The following NBL1 variants were observed in gnomAD, a reference collection of about 807,000 sequenced individuals.
NBL1 encodes the protein NBL1, DAN family BMP antagonist, also known as neuroblastoma suppressor of tumorigenicity 1.
A neutral mutation model predicts 16.0 loss-of-function variants in NBL1; 9 were observed. That is an observed-to-expected ratio of 0.56 (90% CI 0.34 to 0.98). The LOEUF (loss-of-function observed/expected upper bound fraction) is 0.98. Ranked by LOEUF, NBL1 falls within the 50% of genes least tolerant of loss-of-function variation. NBL1 has a pLI of 0.02. For missense variants in NBL1, 196 were observed against 243.1 expected (o/e 0.81, Z 1.29); for synonymous variants, 86 against 100.7 (o/e 0.85, Z 0.87).
At position 19,657,296 on chromosome 1, in the gene NBL1, G is replaced by T; in HGVS notation, c.*167G>T. On this transcript the variant is annotated 3_prime_UTR_variant, in exon 4 of 4. Transcript: ENST00000375136. ...TGCCATGGAGATCTGAAGGGGCGGG[G>T]TTAGAGCCAAGCTGCACAATTTAAT... The T allele has an allele frequency of 5.8e-6, 3 of 517,692 alleles. No homozygotes were observed. Among genetic ancestry groups the T allele is most frequent in the Non-Finnish European group, 1.0e-5 (3 of 288,974 alleles). The allele number at this position is 517,692 out of a possible 1,614,324, so 32.1% of individuals were successfully genotyped here. A position where few individuals can be genotyped will look rare whatever the true frequency, so the allele number is the denominator to read the frequency against.
chr1:19,655,289 C>T, intron 2 of NBL1, 35 bp from the exon 3 acceptor site: 1 of 1,613,220 alleles, frequency 6.2e-7, no homozygotes, highest in Non-Finnish European at 8.5e-7. Flanking sequence ...GCCTCCCCAA[C>T]AGTGACACAG....
intron 1 of NBL1, chr1:19,647,710 G>A: frequency 4.1e-6 from 4 of 979,812 alleles, no homozygotes; most frequent in Non-Finnish European, 4.9e-6. Flanking sequence ...CCAAGTGTGG[G>A]GAGGTTCCCC....
intron 1 of NBL1, among the ~76,000 whole-genome samples, chr1:19,647,421 G>C (rs886512630): frequency 6.6e-6 from 1 of 152,082 alleles, no homozygotes; most frequent in Non-Finnish European, 1.5e-5. Context: ...GTGAGATCCT[G>C]TTACAAATAA....
intron 1 of NBL1, among the ~76,000 whole-genome samples, chr1:19,650,959 C>T (rs190735476): frequency 8.7e-4 from 132 of 152,276 alleles, no homozygotes; most frequent in Non-Finnish European, 1.6e-3. Flanking sequence ...CTCGCTGCCT[C>T]CTGTTCCAGC....
intron 1 of NBL1, chr1:19,645,522 A>G (rs2094973589): frequency 1.0e-6 from 1 of 1,003,336 alleles, no homozygotes; most frequent in Non-Finnish European, 1.2e-6. Context: ...GCACCCCAGG[A>G]AAACAGAGGT....
chr1:19,644,651 G>A lies in NBL1; in HGVS notation c.-20+205G>A, dbSNP rs1050930390. 6.6e-6 allele frequency among the ~76,000 whole-genome samples: 1 copy of A among 151,530 alleles called. No individual in the cohort carries two copies. The highest frequency in any genetic ancestry group is 1.5e-5 in the Non-Finnish European group (1 of 67,760). On this transcript the variant is annotated intron_variant, in intron 1 of 3. Coordinates refer to ENST00000375136, the MANE Select transcript of NBL1 (RefSeq NM_005380.8). The surrounding 1 kb of genome is among the most constrained non-coding windows in gnomAD (Gnocchi z 4.6). ...CGCCGGCGCTGGGGACGTGGGCGCG[G>A]CACGGGGTGGCCGGGGGGCACCGCC...
At chr1:19,648,779 TGGGTG>T (rs1558361770) in intron 1 of NBL1, among the ~76,000 whole-genome samples, 2 of 34,242 alleles carry the variant, frequency 5.8e-5, no homozygotes, top group Admixed American at 8.6e-4. Flanking sequence ...GAGTGGCGGG[TGGGTG>T]GGGTTGGGAA....
chr1:19,644,710 G>A lies in NBL1; in HGVS notation c.-20+264G>A, dbSNP rs903584347. ...AGCCCGTCCCCAGACTCGCCCCAGGGTTCCGTTTCTGGATCGGAGTTTCCG... is the reference window on the plus strand; with the variant it reads ...AGCCCGTCCCCAGACTCGCCCCAGGATTCCGTTTCTGGATCGGAGTTTCCG... On this transcript the variant is annotated intron_variant, in intron 1 of 3. Transcript: ENST00000375136. This position sits in a 1 kb window ranked among gnomAD's most constrained non-coding sequence, Gnocchi z 4.6. Among the ~76,000 whole-genome samples, 46 of 152,020 alleles carry A rather than the reference G, an allele frequency of 3.0e-4. No homozygotes were observed. The highest frequency in any genetic ancestry group is 1.5e-3 in the South Asian group (7 of 4,824).
chr1:19,656,440 A>G (rs2095056784), intron 3 of NBL1, among the ~76,000 whole-genome samples: 1 of 150,976 alleles, frequency 6.6e-6, no homozygotes, highest in Admixed American at 6.6e-5. Flanking sequence ...CAAAGGGAAC[A>G]GCATGTGCGG....
intron 1 of NBL1, among the ~76,000 whole-genome samples, chr1:19,648,951 T>C (rs71645456): frequency 1.3e-5 from 2 of 152,064 alleles, no homozygotes; most frequent in African/African-American, 2.4e-5. Flanking sequence ...ATTTGAACTC[T>C]GGTCTGTGGA....
intron 1 of NBL1, among the ~76,000 whole-genome samples, chr1:19,652,357 A>G (rs991485947): frequency 2.6e-5 from 4 of 152,082 alleles, no homozygotes; most frequent in African/African-American, 9.7e-5. Flanking sequence ...AATCCATTCT[A>G]TTTTGTTAGG....
Position 19,644,656 on chromosome 1 carries a change from G to C in NBL1, c.-20+210G>C, listed in dbSNP as rs2094966896. On this transcript the variant is annotated intron_variant, in intron 1 of 3. Coordinates refer to ENST00000375136, the MANE Select transcript of NBL1 (RefSeq NM_005380.8). The surrounding 1 kb of genome is among the most constrained non-coding windows in gnomAD (Gnocchi z 4.6). The stretch of plus-strand genomic sequence containing the variant: ...GCGCTGGGGACGTGGGCGCGGCACG[G>C]GGTGGCCGGGGGGCACCGCCGCGTC... Among the ~76,000 whole-genome samples, 1 of 151,536 alleles carries C rather than the reference G, an allele frequency of 6.6e-6. No homozygotes were observed. The highest frequency in any genetic ancestry group is 1.5e-5 in the Non-Finnish European group (1 of 67,750).
chr1:19,648,630 C>T (rs1263658952), intron 1 of NBL1, among the ~76,000 whole-genome samples: 1 of 152,220 alleles, frequency 6.6e-6, no homozygotes, highest in Non-Finnish European at 1.5e-5. Context: ...CTTCCTTGAC[C>T]TGTGCCTCAG....
chr1:19,654,366 G>A (rs2095044335), intron 1 of NBL1, among the ~76,000 whole-genome samples: 1 of 152,200 alleles, frequency 6.6e-6, no homozygotes, highest in African/African-American at 2.4e-5. Flanking sequence ...TCATGCCACT[G>A]CACTCCAGCG....
At chr1:19,652,043 C>G (rs1290287254) in intron 1 of NBL1, among the ~76,000 whole-genome samples, 1 of 152,224 alleles carries the variant, frequency 6.6e-6, no homozygotes, top group East Asian at 1.9e-4. Context: ...ATGCCTGGCC[C>G]AGGCTACTTG....
In NBL1 at chr1:19,655,116, C is replaced by A; in HGVS notation, c.86C>A (p.Pro29Gln). The change falls in exon 2 of 4, where the codon CCA (proline) becomes CAA (glutamine). Residue 29 changes from proline to glutamine, a missense_variant. Pro to Gln is a moderately conservative substitution (Grantham distance 76, BLOSUM62 -1). Coordinates refer to ENST00000375136, the MANE Select transcript of NBL1 (RefSeq NM_005380.8). ...PPPINKLALF[P>Q]DKSAWCEAKN... ...CCCATCAACAAGCTGGCACTGTTCCCAGATAAGAGTGCCTGGTGCGAAGCC... is the reference window on the plus strand; with the variant it reads ...CCCATCAACAAGCTGGCACTGTTCCAAGATAAGAGTGCCTGGTGCGAAGCC... 6.2e-7 allele frequency: 1 copy of A among 1,612,802 alleles called. No homozygotes were observed. The highest frequency in any genetic ancestry group is 8.5e-7 in the Non-Finnish European group (1 of 1,179,684).
At position 19,657,902 on chromosome 1, in the gene NBL1, C is replaced by T. The variant is rs1264587701; in HGVS notation, c.*773C>T. ...CATCCCTGAAGACGAGCATCCCCCT[C>T]CTCTCCCTGTTAGAAATGTTAGTGC... On this transcript the variant is annotated 3_prime_UTR_variant, in exon 4 of 4. Coordinates refer to ENST00000375136, the MANE Select transcript of NBL1 (RefSeq NM_005380.8). 2.0e-5 allele frequency: 3 copies of T among 152,740 alleles called. No individual in the cohort carries two copies. Among genetic ancestry groups the T allele is most frequent in the African/African-American group, 4.8e-5 (2 of 41,454 alleles). 9.5% of individuals were successfully genotyped at this position (152,740 alleles called of 1,614,324 possible).
rs1570575289 is a variant in NBL1 at position 19,658,041 on chromosome 1, T to A, written c.*912T>A. 6.6e-6 allele frequency: 1 copy of A among 152,378 alleles called. No homozygotes were observed. The highest frequency in any genetic ancestry group is 2.1e-4 in the South Asian group (1 of 4,802). The allele number at this position is 152,378 out of a possible 1,614,324, so 9.4% of individuals were successfully genotyped here. A position where few individuals can be genotyped will look rare whatever the true frequency, so the allele number is the denominator to read the frequency against. ...ATCGGATGGGTGTGGGAGTGAGGGG[T>A]TACCTCCCTCGCCCCAAGGTTCCAG... On this transcript the variant is annotated 3_prime_UTR_variant, in exon 4 of 4. Coordinates refer to ENST00000375136, the MANE Select transcript of NBL1 (RefSeq NM_005380.8).
rs752802378 is a variant in NBL1 at position 19,655,309 on chromosome 1, C to A, written c.171-15C>A. ...CCCAACAGTGACACAGGCATGGTGA[C>A]CTCTCCTCCCACAGGGCGTGCCTAG... On this transcript the variant is annotated splice_polypyrimidine_tract_variant and intron_variant, in intron 2 of 3. Transcript: ENST00000375136. 2 of 1,613,772 alleles carry A rather than the reference C, an allele frequency of 1.2e-6. No individual in the cohort carries two copies. Among genetic ancestry groups the A allele is most frequent in the Admixed American group, 1.7e-5 (1 of 60,024 alleles).
Sources: gnomAD v4.1 joint callset for allele counts (sites outside exome capture counted in the v4.1 genomes callset) on GRCh38, gnomAD v4.1.1 for gene constraint, Gnocchi (gnomAD v3.1) non-coding constraint, MANE v1.5 for transcripts, NCBI Gene and HGNC (gene_info 2026-07-23, HGNC 2026-07-21) for gene names.